SEL1L3: variants seen among roughly 807,000 people sequenced by gnomAD.
SEL1L3 encodes SEL1L family member 3, also known as protein sel-1 homolog 3.
Under a neutral mutation model 142.8 loss-of-function variants are expected in SEL1L3, and 76 were observed. That is an observed-to-expected ratio of 0.53 (90% CI 0.44 to 0.64). The LOEUF is 0.64. Among genes scored for constraint, SEL1L3 ranks in the 30% least tolerant of loss-of-function variants. The pLI, the probability that SEL1L3 is intolerant of heterozygous loss-of-function variation, is 0.00. For synonymous variants in SEL1L3, 504 were observed against 519.6 expected (o/e 0.97, Z 0.41); for missense variants, 1,262 against 1,381.7 (o/e 0.91, Z 1.37).
chr4:25,835,113 T>C, intron 3 of SEL1L3, 84 bp downstream of exon 3: 4 of 1,523,178 alleles, frequency 2.6e-6, no homozygotes, highest in Non-Finnish European at 3.6e-6. Context: ...TGTGTCTTCC[T>C]AAGGAATTCT....
intron 23 of SEL1L3, among the ~76,000 whole-genome samples, chr4:25,755,150 C>G (rs1717867266): frequency 6.6e-6 from 1 of 152,126 alleles, no homozygotes; most frequent in Admixed American, 6.6e-5. Context: ...ATGGTGTGAT[C>G]ATAGCTCACT....
intron 20 of SEL1L3, among the ~76,000 whole-genome samples, chr4:25,762,239 G>A (rs1718421322): frequency 6.6e-6 from 1 of 152,216 alleles, no homozygotes; most frequent in African/African-American, 2.4e-5. Context: ...ATGAGCCACT[G>A]TGCCCGGCCT....
intron 2 of SEL1L3, among the ~76,000 whole-genome samples, chr4:25,842,453 G>C (rs537637623): frequency 9.8e-5 from 15 of 152,306 alleles, no homozygotes; most frequent in Non-Finnish European, 1.9e-4. Context: ...ACATAGGGGT[G>C]GGGAATCAAA....
At chr4:25,827,837 G>C (rs1307211956) in intron 6 of SEL1L3, among the ~76,000 whole-genome samples, 1 of 149,796 alleles carries the variant, frequency 6.7e-6, no homozygotes, top group African/African-American at 2.4e-5. Flanking sequence ...TGGGTTTCAG[G>C]GGAGAGAGAG....
chr4:25,718,682 G>A, the SEL1L3 span: 1 of 152,144 alleles, frequency 6.6e-6, no homozygotes, highest in Non-Finnish European at 1.5e-5. Context: ...TTCTGTTAGG[G>A]GGGTGAGGAT....
At chr4:25,831,310 A>G (rs1039518803) in intron 5 of SEL1L3, among the ~76,000 whole-genome samples, 7 of 151,794 alleles carry the variant, frequency 4.6e-5, no homozygotes, top group Non-Finnish European at 1.0e-4. Context: ...TTTTTACTCC[A>G]GTCAAACTAG....
rs908042755 is a variant in SEL1L3 at position 25,833,499 on chromosome 4, C to A, written c.931G>T (p.Val311Phe). Residue 311 changes from valine (V) to phenylalanine (F), a missense_variant, in exon 4 of 24, where the codon GTT (valine) becomes TTT (phenylalanine). Physicochemically the swap from Val to Phe is conservative, Grantham distance 50 (BLOSUM62 -1). Coordinates refer to ENST00000399878, the MANE Select transcript of SEL1L3 (RefSeq NM_015187.5). ...KANLCGILYF[V>F]DSNEMYGTPS... ...GTGCCGTACATCTCATTAGAGTCAA[C>A]AAAGTACAGAATCCCACAGAGGTTG... The A allele has an allele frequency of 6.2e-7, 1 of 1,613,004 alleles. No individual in the cohort carries two copies. Among genetic ancestry groups the A allele is most frequent in the Admixed American group, 1.7e-5 (1 of 59,990 alleles).
chr4:25,743,262 T>A (rs1230325538), downstream of SEL1L3, among the ~76,000 whole-genome samples: 1 of 152,170 alleles, frequency 6.6e-6, no homozygotes, highest in African/African-American at 2.4e-5. Context: ...GCCAAAAAAA[T>A]TATATCTGTA....
rs141038984 is a variant in SEL1L3 at position 25,838,169 on chromosome 4, G to A, written c.734-2846C>T. Among the ~76,000 whole-genome samples the A allele has an allele frequency of 1.9e-3, 284 of 152,302 alleles. 1 individual carries two copies. In the Middle Eastern group the frequency reaches 0.024, roughly 13 times the overall value. On this transcript the variant is annotated intron_variant, in intron 2 of 23. Coordinates refer to ENST00000399878, the MANE Select transcript of SEL1L3 (RefSeq NM_015187.5). Reference sequence around the variant, plus strand: ...AATTCTGTAATGTGCACCACACTGCGTAAGCCAAAGAATGACCTTTCTTCT... The same window carrying A: ...AATTCTGTAATGTGCACCACACTGCATAAGCCAAAGAATGACCTTTCTTCT...
At chr4:25,734,316 AATTACAGGC>A in the SEL1L3 span, among the ~76,000 whole-genome samples, 8 of 151,622 alleles carry the variant, frequency 5.3e-5, no homozygotes, top group Non-Finnish European at 1.0e-4. Flanking sequence ...AAAGTGCTGG[AATTACAGGC>A]ATGAGCCACC....
rs759403167 is a variant in SEL1L3 at position 25,835,183 on chromosome 4, C to T, written c.860+14G>A. On this transcript the variant is annotated intron_variant, in intron 3 of 23. Transcript: ENST00000399878. ...GCACCGCCCGATCAGCTCCCTTCTG[C>T]TACCCATCCTTACACTGGGTAATCC... 6 of 1,613,736 alleles carry T rather than the reference C, an allele frequency of 3.7e-6. No homozygotes were observed. The South Asian group carries it at 6.6e-5, about 18-fold the overall frequency.
chr4:25,862,515 C>T (rs1717791606), intron 1 of SEL1L3, among the ~76,000 whole-genome samples, 160 bp downstream of exon 1: 1 of 152,202 alleles, frequency 6.6e-6, no homozygotes, highest in East Asian at 1.9e-4. Context: ...GCCCGGGGTA[C>T]CTATCCCAGG....
rs1390291735 is a variant in SEL1L3 at position 25,747,447 on chromosome 4, ATAATT to A, written c.*973_*977del. On this transcript the variant is annotated 3_prime_UTR_variant, in exon 24 of 24. Coordinates refer to ENST00000399878, the MANE Select transcript of SEL1L3 (RefSeq NM_015187.5). ...CTTTCTGGTAGTCAATTGTATAAAAATAATTTTATTTACTACTGTAAATAAAGTAG... is the reference window on the plus strand; with the variant it reads ...CTTTCTGGTAGTCAATTGTATAAAAATTATTTACTACTGTAAATAAAGTAG... 1.3e-5 allele frequency: 2 copies of A among 152,204 alleles called. No homozygotes were observed. Among genetic ancestry groups the A allele is most frequent in the Non-Finnish European group, 2.9e-5 (2 of 68,040 alleles). The allele number at this position is 152,204 out of a possible 1,614,324, so 9.4% of individuals were successfully genotyped here. A position where few individuals can be genotyped will look rare whatever the true frequency, so the allele number is the denominator to read the frequency against.
rs2109191356 is a variant in SEL1L3, at chr4:25,790,465, G to A, written c.2066C>T (p.Ala689Val). Residue 689 changes from alanine to valine, a missense_variant, in exon 12 of 24, where the codon GCA (alanine) becomes GTA (valine). Ala to Val is a moderately conservative substitution (Grantham distance 64, BLOSUM62 0). Around this residue, in one of 3 missense-constraint regions of SEL1L3, gnomAD observed 435 missense variants for 559.2 expected, o/e 0.78. Coordinates refer to ENST00000399878, the MANE Select transcript of SEL1L3 (RefSeq NM_015187.5). The part of the protein sequence containing the change: ...WLKHEATRGN[A>V]AAQQRLAQML... ...AGCCTGCGTTTTTACCTGAGCTGCT[G>A]CATTGCCTCGGGTAGCTTCATGCTT... is the stretch of plus-strand genomic sequence containing the variant. 1.9e-6 allele frequency: 3 copies of A among 1,613,782 alleles called. No homozygotes were observed. Among genetic ancestry groups the A allele is most frequent in the Non-Finnish European group, 2.5e-6 (3 of 1,179,788 alleles).
the SEL1L3 span, among the ~76,000 whole-genome samples, chr4:25,724,760 AAAAAAAAAAAAG>A: frequency 9.4e-4 from 69 of 73,166 alleles, 2 homozygotes; most frequent in African/African-American, 2.2e-3. Flanking sequence ...AAAAAAAAAA[AAAAAAAAAAAAG>A]GAAAAGAAAT....
chr4:25,802,444 C>T lies in SEL1L3; in HGVS notation c.1795G>A (p.Val599Ile). The T allele has an allele frequency of 6.2e-7, 1 of 1,613,388 alleles. No individual in the cohort carries two copies. The highest frequency in any genetic ancestry group is 1.1e-5 in the South Asian group (1 of 90,998). ...AGCCTCTCACTCCCCTGGCCTCCAA[C>T]CAAACTATACAACATGCCCTGTTAG... is the stretch of plus-strand genomic sequence containing the variant. ...DQLQGMLYSL[V>I]GGQGSERLSS... Residue 599 changes from valine (V) to isoleucine (I), a missense_variant, in exon 11 of 24, where the codon GTT (valine) becomes ATT (isoleucine). Physicochemically the swap from Val to Ile is conservative, Grantham distance 29 (BLOSUM62 3). This residue lies in a region of SEL1L3 where 435 missense variants were observed against 559.2 expected (regional missense o/e 0.78). Coordinates refer to ENST00000399878, the MANE Select transcript of SEL1L3 (RefSeq NM_015187.5).
chr4:25,850,696 G>A (rs1716824132), intron 1 of SEL1L3, among the ~76,000 whole-genome samples: 1 of 152,192 alleles, frequency 6.6e-6, no homozygotes, highest in South Asian at 2.1e-4. Flanking sequence ...TCAAGAGGGA[G>A]CTGGTTAAAT....
intron 9 of SEL1L3, among the ~76,000 whole-genome samples, chr4:25,807,650 G>A (rs959465897): frequency 6.6e-5 from 10 of 152,046 alleles, no homozygotes; most frequent in Admixed American, 1.3e-4. Context: ...CAGAGTACCC[G>A]TGGACCCGAG....
intron 6 of SEL1L3, among the ~76,000 whole-genome samples, chr4:25,826,722 C>T (rs947064723): frequency 2.6e-5 from 4 of 152,162 alleles, no homozygotes; most frequent in Non-Finnish European, 4.4e-5. Context: ...CAGGGTCTCG[C>T]TCTGTCGCCC....
Sources: gnomAD v4.1 joint callset for allele counts (sites outside exome capture counted in the v4.1 genomes callset) on GRCh38, gnomAD v4.1.1 for gene constraint, gnomAD v4.1.1 regional missense constraint, MANE v1.5 for transcripts, NCBI Gene and HGNC (gene_info 2026-07-23, HGNC 2026-07-21) for gene names.